The following IL34 variants were observed in gnomAD, a reference collection of about 807,000 sequenced individuals.
IL34 encodes the protein interleukin-34.
A neutral mutation model predicts 25.3 loss-of-function variants in IL34; 17 were observed. The ratio of observed to expected loss-of-function variants is 0.67; its 90% CI spans 0.46 to 1.01. IL34 has a LOEUF of 1.01. Among genes scored for constraint, IL34 ranks in the 50% least tolerant of loss-of-function variants. The pLI is 0.00. For missense variants in IL34, 368 were observed against 312.9 expected (o/e 1.18, Z -1.33); for synonymous variants, 174 against 140.9 (o/e 1.23, Z -1.66).
chr16:70,592,609 G>C (rs2050769213), intron 1 of IL34, among the ~76,000 whole-genome samples: 2 of 152,108 alleles, frequency 1.3e-5, no homozygotes, highest in African/African-American at 2.4e-5. Context: ...AAAAAAATCA[G>C]TAGACTTTTA....
intron 1 of IL34, among the ~76,000 whole-genome samples, chr16:70,614,452 C>A (rs78894170): frequency 0.036 from 5,457 of 152,234 alleles, 333 homozygotes; most frequent in African/African-American, 0.12. Flanking sequence ...TTTTAACAGC[C>A]TCTCCAGGTG....
At chr16:70,648,228 G>C (rs1238113654) in intron 1 of IL34, among the ~76,000 whole-genome samples, 8 of 152,216 alleles carry the variant, frequency 5.3e-5, no homozygotes, top group Non-Finnish European at 2.9e-5. Flanking sequence ...GTGCAGGAGG[G>C]AATGAGGGTC....
chr16:70,631,092 T>C (rs1177451568), intron 1 of IL34, among the ~76,000 whole-genome samples: 9 of 152,222 alleles, frequency 5.9e-5, no homozygotes, highest in African/African-American at 2.2e-4. Context: ...GCAAAATCCA[T>C]GGACGCAGAA....
At chr16:70,590,602 C>T (rs1372985064) in intron 1 of IL34, among the ~76,000 whole-genome samples, 5 of 152,176 alleles carry the variant, frequency 3.3e-5, no homozygotes, top group Admixed American at 2.0e-4. Context: ...GTAGCTGGTG[C>T]TGTTTTCACT....
At chr16:70,644,944 A>AGGG (rs2051884929), upstream of IL34, among the ~76,000 whole-genome samples, 1 of 83,300 alleles carries the variant, frequency 1.2e-5, no homozygotes, top group African/African-American at 1.1e-4. Context: ...GAAGAGGAGG[A>AGGG]AGGAGGAAGA....
chr16:70,607,058 T>C (rs1228614331), intron 1 of IL34, among the ~76,000 whole-genome samples: 1 of 152,210 alleles, frequency 6.6e-6, no homozygotes, highest in African/African-American at 2.4e-5. Context: ...GCTGAATTCA[T>C]TTACTAGCTT....
intron 1 of IL34, among the ~76,000 whole-genome samples, chr16:70,624,615 C>G (rs1165198462): frequency 2.6e-5 from 4 of 152,112 alleles, no homozygotes; most frequent in Non-Finnish European, 4.4e-5. Flanking sequence ...AGCCTAAACG[C>G]TATCTGATTT....
At position 70,590,595 on chromosome 16, in the gene IL34, G is replaced by A. The variant is rs925794696; in HGVS notation, c.-401+10546G>A. On this transcript the variant is annotated intron_variant, in intron 1 of 6. Coordinates refer to the IL34 transcript ENST00000429149. ...GGTCTAGCCCAATAGTGCGGAAGTAGCTGGTGCTGTTTTCACTGGGCCAGG... is the reference window on the plus strand; with the variant it reads ...GGTCTAGCCCAATAGTGCGGAAGTAACTGGTGCTGTTTTCACTGGGCCAGG... 2.0e-5 allele frequency among the ~76,000 whole-genome samples: 3 copies of A among 152,188 alleles called. No homozygotes were observed. In the East Asian group the frequency reaches 5.8e-4, roughly 29 times the overall value.
chr16:70,632,976 TA>T (rs996133346), intron 1 of IL34, among the ~76,000 whole-genome samples: 3 of 137,212 alleles, frequency 2.2e-5, no homozygotes, highest in African/African-American at 5.1e-5. Context: ...TATCAGGACA[TA>T]TTTTTTTTTG....
At chr16:70,642,330 C>G (rs1250979739), upstream of IL34, among the ~76,000 whole-genome samples, 2 of 143,000 alleles carry the variant, frequency 1.4e-5, no homozygotes, top group Admixed American at 1.4e-4. Flanking sequence ...CGGAGTCTCA[C>G]TCTGTTACCC....
chr16:70,644,275 T>C (rs1456449594), upstream of IL34, among the ~76,000 whole-genome samples: 1 of 152,172 alleles, frequency 6.6e-6, no homozygotes, highest in African/African-American at 2.4e-5. Flanking sequence ...TTTTTTCCCC[T>C]TCTCCTTGGA....
In IL34 at chr16:70,656,610, C is replaced by T. The variant is rs1361644883; in HGVS notation, c.171C>T (p.Tyr57=). The T allele has an allele frequency of 4.4e-6, 6 of 1,349,354 alleles. No homozygotes were observed. The highest frequency in any genetic ancestry group is 5.3e-6 in the Non-Finnish European group (5 of 938,084). 83.6% of individuals were successfully genotyped at this position (1,349,354 alleles called of 1,614,324 possible). ...TTCTTGTGCCTCTCCAGAAACACTA[C>T]TTCCCCATCAACTACAAGATCAGTG... The part of the protein sequence containing the change: ...YRSRLQYMKH[Y]FPINYKISVP... The change falls in exon 3 of 6, where the codon TAC becomes TAT. Residue 57 remains tyrosine, a synonymous_variant. Coordinates refer to ENST00000288098, the MANE Select transcript of IL34 (RefSeq NM_001393494.1).
intron 1 of IL34, among the ~76,000 whole-genome samples, chr16:70,588,448 C>T (rs1419514983): frequency 6.6e-6 from 1 of 151,722 alleles, no homozygotes; most frequent in Non-Finnish European, 1.5e-5. Flanking sequence ...GAGCTGAGAT[C>T]ACGCCATTTC....
intron 1 of IL34, among the ~76,000 whole-genome samples, chr16:70,621,797 C>T (rs1038587340): frequency 5.3e-5 from 8 of 151,666 alleles, no homozygotes; most frequent in South Asian, 4.2e-4. Flanking sequence ...TGTTCTCTGG[C>T]GGGCAGGAGT....
intron 1 of IL34, among the ~76,000 whole-genome samples, chr16:70,616,865 G>C (rs1055182457): frequency 1.3e-5 from 2 of 152,144 alleles, no homozygotes; most frequent in Admixed American, 6.5e-5. Flanking sequence ...GGATGTATAC[G>C]TGCAAGTCAC....
At chr16:70,617,762 A>G (rs574713912) in intron 1 of IL34, among the ~76,000 whole-genome samples, 12,856 of 150,328 alleles carry the variant, frequency 0.086, 806 homozygotes, top group African/African-American at 0.28. Context: ...CTGAATACTA[A>G]GAGCCTGAAA....
chr16:70,655,242 G>A (rs1011802799), intron 2 of IL34, among the ~76,000 whole-genome samples: 3 of 150,736 alleles, frequency 2.0e-5, no homozygotes, highest in South Asian at 2.1e-4. Flanking sequence ...TAGTAGAGAC[G>A]GGGTTTCACC....
chr16:70,626,522 G>C (rs946514878), intron 1 of IL34, among the ~76,000 whole-genome samples: 4 of 151,862 alleles, frequency 2.6e-5, no homozygotes, highest in South Asian at 2.1e-4. Flanking sequence ...TCAGCCTCCC[G>C]AGTAGCTGGG....
At chr16:70,610,139 T>C (rs978485912) in intron 1 of IL34, among the ~76,000 whole-genome samples, 7 of 150,886 alleles carry the variant, frequency 4.6e-5, no homozygotes, top group African/African-American at 1.7e-4. Flanking sequence ...GAGGTGGAGG[T>C]TGCAGTGAGC....
Sources: gnomAD v4.1 joint callset for allele counts (sites outside exome capture counted in the v4.1 genomes callset) on GRCh38, gnomAD v4.1.1 for gene constraint, MANE v1.5 for transcripts, NCBI Gene and HGNC (gene_info 2026-07-23, HGNC 2026-07-21) for gene names.